Variants in SHROOM4 observed in about 807,000 individuals in gnomAD.
The protein encoded by SHROOM4 is protein Shroom4.
Under a neutral mutation model 80.3 loss-of-function variants are expected in SHROOM4, and 17 were observed. That is an observed-to-expected ratio of 0.21 (90% CI 0.14 to 0.32). The LOEUF (loss-of-function observed/expected upper bound fraction) is 0.32. Among genes scored for constraint, SHROOM4 ranks in the 10% least tolerant of loss-of-function variants. SHROOM4 has a pLI of 1.00. For synonymous variants in SHROOM4, 400 were observed against 437.5 expected (o/e 0.91, Z 1.07); for missense variants, 993 against 1,140.3 (o/e 0.87, Z 1.86).
chrX:50,808,615 T>C (rs1395887725), intron 1 of SHROOM4, among the ~76,000 whole-genome samples: 2 of 110,959 alleles, frequency 1.8e-5, no homozygotes, highest in African/African-American at 6.6e-5. Flanking sequence ...AGCATCTTTT[T>C]TCCCTTAGTT....
intron 1 of SHROOM4, among the ~76,000 whole-genome samples, chrX:50,710,053 A>G (rs782770886): frequency 1.3e-4 from 15 of 112,241 alleles, no homozygotes; most frequent in Non-Finnish European, 2.6e-4. Context: ...AGTCACAGGC[A>G]TGTTTGGTAG....
the SHROOM4 span, among the ~76,000 whole-genome samples, chrX:50,577,903 C>T: frequency 9.0e-6 from 1 of 111,355 alleles, no homozygotes; most frequent in Non-Finnish European, 1.9e-5. Context: ...ACACTGATAC[C>T]CCCCCAGCAC....
intron 5 of SHROOM4, among the ~76,000 whole-genome samples, 164 bp downstream of exon 5, chrX:50,627,450 C>T (rs146699010): frequency 0.017 from 1,882 of 110,900 alleles, 45 homozygotes; most frequent in African/African-American, 0.054. Flanking sequence ...TCTAGGAGTG[C>T]GGGGGGCAGG....
intron 1 of SHROOM4, among the ~76,000 whole-genome samples, chrX:50,730,186 G>C (rs1934336168): frequency 8.9e-6 from 1 of 111,744 alleles, no homozygotes; most frequent in South Asian, 3.8e-4. Context: ...TCAGCACTTT[G>C]GGAGGCCGAG....
At chrX:50,740,612 A>T (rs1249637564) in intron 1 of SHROOM4, among the ~76,000 whole-genome samples, 4 of 111,745 alleles carry the variant, frequency 3.6e-5, no homozygotes, top group African/African-American at 1.3e-4. Context: ...GACCTGACAG[A>T]CATGTATAGA....
chrX:50,770,957 A>C (rs1935383090), intron 1 of SHROOM4, among the ~76,000 whole-genome samples: 1 of 111,333 alleles, frequency 9.0e-6, no homozygotes, highest in Non-Finnish European at 1.9e-5. Context: ...CCCCCTACTC[A>C]ACAATGCTTA....
Position 50,718,110 on chromosome X carries a change from G to C in SHROOM4, c.118-22173C>G, listed in dbSNP as rs143266229. On this transcript the variant is annotated intron_variant, in intron 1 of 8. Transcript: ENST00000376020. ...TATACTGAGTGTCCACTGTGTGCTGGGTCCAGAGCTTGGCTTTGGGGCTAC... is the reference window on the plus strand; with the variant it reads ...TATACTGAGTGTCCACTGTGTGCTGCGTCCAGAGCTTGGCTTTGGGGCTAC... 1.8e-3 allele frequency among the ~76,000 whole-genome samples: 198 copies of C among 111,629 alleles called. 1 individual carries two copies. The highest frequency in any genetic ancestry group is 6.2e-3 in the African/African-American group (191 of 30,699).
chrX:50,606,900 C>A (rs1256960315), intron 6 of SHROOM4, among the ~76,000 whole-genome samples: 2 of 109,622 alleles, frequency 1.8e-5, no homozygotes, highest in African/African-American at 6.7e-5. Flanking sequence ...AGTTTAGAAG[C>A]CCAGGCTACT....
downstream of SHROOM4, among the ~76,000 whole-genome samples, chrX:50,582,251 CCT>C (rs782297618): frequency 2.7e-5 from 3 of 111,766 alleles, no homozygotes; most frequent in East Asian, 8.4e-4. Flanking sequence ...GGATCCTTCC[CCT>C]GTCAAGCCTC....
rs782779505 is a variant in SHROOM4, at chrX:50,635,664, C to T, written c.409G>A (p.Val137Met). 6 of 1,204,758 alleles carry T rather than the reference C, an allele frequency of 5.0e-6. No homozygotes were observed. The highest frequency in any genetic ancestry group is 1.8e-5 in the African/African-American group (1 of 55,964). ...GAGAGTGGACACCACTGCACACACA[C>T]GTCACTGTAAGACACAGGGCATACT... Reference protein sequence around the residue: ...SWHSGCNTSDVCVQWCPLSRH... With the variant: ...SWHSGCNTSDMCVQWCPLSRH... Residue 137 changes from valine to methionine, a missense_variant, in exon 4 of 9, where the codon GTG (valine) becomes ATG (methionine). Transcript: ENST00000376020.
intron 1 of SHROOM4, among the ~76,000 whole-genome samples, chrX:50,798,363 C>T (rs1557272292): frequency 8.9e-6 from 1 of 111,942 alleles, no homozygotes; most frequent in Non-Finnish European, 1.9e-5. Flanking sequence ...ATTATTTCAT[C>T]CTCAGAGTCT....
intron 1 of SHROOM4, among the ~76,000 whole-genome samples, chrX:50,804,556 G>A (rs926277984): frequency 8.1e-5 from 9 of 111,716 alleles, no homozygotes; most frequent in African/African-American, 2.6e-4. Flanking sequence ...GAAAGAGCAT[G>A]GGATTTGAAG....
chrX:50,809,619 G>A (rs899810014), intron 1 of SHROOM4, among the ~76,000 whole-genome samples: 1 of 112,085 alleles, frequency 8.9e-6, no homozygotes, highest in African/African-American at 3.3e-5. Flanking sequence ...CAAGTGGATG[G>A]GAGTAAAGCT....
chrX:50,787,479 A>G (rs934247839), intron 1 of SHROOM4, among the ~76,000 whole-genome samples: 1 of 111,048 alleles, frequency 9.0e-6, no homozygotes, highest in African/African-American at 3.3e-5. Context: ...AAAGAGAAAG[A>G]GTTCCAAAAA....
intron 2 of SHROOM4, among the ~76,000 whole-genome samples, chrX:50,656,126 C>T (rs782664683): frequency 9.0e-6 from 1 of 111,544 alleles, no homozygotes; most frequent in East Asian, 2.8e-4. Flanking sequence ...TTACTATTGA[C>T]TTGTTTGATT....
chrX:50,633,858 C>T lies in SHROOM4; in HGVS notation c.2215G>A (p.Ala739Thr). The stretch of plus-strand genomic sequence containing the variant: ...TTGGAAGGGCCTTCCATGGCTGCTG[C>T]CACAAGTGGCTGTGAATTATGCTCT... ...SPEHNSQPLVAAAMEGPSNPG... is the reference protein window; with the variant it reads ...SPEHNSQPLVTAAMEGPSNPG... The change falls in exon 4 of 9, where the codon GCA (alanine) becomes ACA (threonine). Residue 739 changes from alanine to threonine, a missense_variant. By Grantham distance (58) the Ala-to-Thr change is moderately conservative. Transcript: ENST00000376020. 8.3e-7 allele frequency: 1 copy of T among 1,212,106 alleles called. No homozygotes were observed. Among genetic ancestry groups the T allele is most frequent in the Non-Finnish European group, 1.1e-6 (1 of 895,601 alleles).
At position 50,601,339 on chromosome X, in the gene SHROOM4, G is replaced by C. The variant is rs1161412588; in HGVS notation, c.3942+1294C>G. Among the ~76,000 whole-genome samples the C allele has an allele frequency of 2.7e-5, 3 of 112,003 alleles. No homozygotes were observed. The Admixed American group carries it at 2.8e-4, about 11-fold the overall frequency. Reference sequence around the variant, plus strand: ...GAGTAAGCTAGGAGTACCCCTGCTCGGGGAACATGGAATCCAAGGAAGCAG... The same window carrying C: ...GAGTAAGCTAGGAGTACCCCTGCTCCGGGAACATGGAATCCAAGGAAGCAG... On this transcript the variant is annotated intron_variant, in intron 7 of 8. Transcript: ENST00000376020.
intron 6 of SHROOM4, among the ~76,000 whole-genome samples, chrX:50,604,239 A>G (rs1557248146): frequency 8.9e-6 from 1 of 111,941 alleles, no homozygotes; most frequent in African/African-American, 3.3e-5. Context: ...CATACTTACC[A>G]TGCCCCAGAA....
intron 1 of SHROOM4, among the ~76,000 whole-genome samples, chrX:50,812,461 G>A (rs1197884771): frequency 1.8e-5 from 2 of 110,637 alleles, no homozygotes; most frequent in Non-Finnish European, 3.8e-5. Context: ...AAAGGGTGCT[G>A]GATGAAGATC....
Sources: allele counts gnomAD v4.1 joint callset (sites outside exome capture counted in the v4.1 genomes callset), GRCh38; gene constraint gnomAD v4.1.1; transcripts MANE v1.5; gene names NCBI Gene and HGNC (gene_info 2026-07-23, HGNC 2026-07-21).